SAMD5: variants seen among roughly 807,000 people sequenced by gnomAD.
The protein encoded by SAMD5 is sterile alpha motif domain containing 5, also known as sterile alpha motif domain-containing protein 5.
A neutral mutation model predicts 11.3 loss-of-function variants in SAMD5; 13 were observed. The ratio of observed to expected loss-of-function variants is 1.15; its 90% CI spans 0.75 to 1.83. The LOEUF (loss-of-function observed/expected upper bound fraction) is 1.83. SAMD5 is among the 40% of genes most tolerant of loss of function. The probability of loss-of-function intolerance (pLI) is 0.00; values close to 1 mark genes in which losing one functional copy is unlikely to be tolerated. For missense variants in SAMD5, 255 were observed against 239.1 expected (o/e 1.07, Z -0.44); for synonymous variants, 129 against 111.3 (o/e 1.16, Z -1.00).
intron 1 of SAMD5, among the ~76,000 whole-genome samples, chr6:147,685,233 G>A (rs1025504361): frequency 7.9e-5 from 12 of 152,158 alleles, no homozygotes; most frequent in Middle Eastern, 3.2e-3. Flanking sequence ...GTCTCACTTT[G>A]TCACTCAGGC....
At chr6:147,558,472 A>C (rs760486954) in intron 1 of SAMD5, among the ~76,000 whole-genome samples, 1 of 152,174 alleles carries the variant, frequency 6.6e-6, no homozygotes, top group Non-Finnish European at 1.5e-5. Context: ...CCTGAATCAC[A>C]AGACAGAGGA....
chr6:147,727,657 G>T (rs2128459745), intron 1 of SAMD5, among the ~76,000 whole-genome samples: 1 of 150,784 alleles, frequency 6.6e-6, no homozygotes, highest in Non-Finnish European at 1.5e-5. Flanking sequence ...AGAGACTTAG[G>T]CATCTGGCTT....
At chr6:147,875,845 A>G in the SAMD5 span, among the ~76,000 whole-genome samples, 1 of 152,156 alleles carries the variant, frequency 6.6e-6, no homozygotes, top group Non-Finnish European at 1.5e-5. Context: ...TTTCAGGAAA[A>G]CAAACTCAGG....
intron 1 of SAMD5, among the ~76,000 whole-genome samples, chr6:147,659,663 C>T (rs1043299958): frequency 1.3e-5 from 2 of 152,114 alleles, no homozygotes; most frequent in Non-Finnish European, 2.9e-5. Flanking sequence ...TGTTAAATTG[C>T]TTTCATTAAA....
the SAMD5 span, among the ~76,000 whole-genome samples, chr6:147,909,611 T>TC: frequency 7.2e-5 from 5 of 69,532 alleles, no homozygotes; most frequent in South Asian, 6.4e-4. Flanking sequence ...TTTCTTTCTT[T>TC]CTTTCTTTCT....
intron 1 of SAMD5, among the ~76,000 whole-genome samples, chr6:147,528,566 C>A (rs1196801039): frequency 6.6e-6 from 1 of 152,180 alleles, no homozygotes; most frequent in Non-Finnish European, 1.5e-5. Flanking sequence ...GTCAGGACTT[C>A]AACATATTAA....
intron 1 of SAMD5, among the ~76,000 whole-genome samples, chr6:147,681,252 T>C (rs971137453): frequency 2.0e-5 from 3 of 152,230 alleles, no homozygotes; most frequent in Non-Finnish European, 4.4e-5. Context: ...GTCTCTGTTT[T>C]ACTTTAGATA....
At chr6:147,669,829 T>C (rs1469644354) in intron 1 of SAMD5, among the ~76,000 whole-genome samples, 3 of 152,186 alleles carry the variant, frequency 2.0e-5, no homozygotes, top group Non-Finnish European at 1.5e-5. Context: ...TTCATGAGGA[T>C]TGGAATCAAT....
chr6:147,555,799 G>A (rs906600545), intron 1 of SAMD5, among the ~76,000 whole-genome samples: 3 of 152,110 alleles, frequency 2.0e-5, no homozygotes, highest in African/African-American at 4.8e-5. Flanking sequence ...TTAAGAAACC[G>A]CCGCTTGTCA....
At chr6:147,900,413 A>G in the SAMD5 span, among the ~76,000 whole-genome samples, 4 of 152,166 alleles carry the variant, frequency 2.6e-5, no homozygotes, top group Non-Finnish European at 5.9e-5. Context: ...GTCTTTCATC[A>G]TTTTGCTGGA....
the SAMD5 span, among the ~76,000 whole-genome samples, chr6:147,840,215 TG>T: frequency 6.6e-6 from 1 of 152,256 alleles, no homozygotes; most frequent in Admixed American, 6.5e-5. Context: ...TAGAGAAGGC[TG>T]GGAAATGTTT....
chr6:147,904,765 G>A, the SAMD5 span, among the ~76,000 whole-genome samples: 7 of 151,834 alleles, frequency 4.6e-5, no homozygotes, highest in East Asian at 1.9e-4. Context: ...CCTTTTCCCC[G>A]TCACATACTC....
intron 1 of SAMD5, among the ~76,000 whole-genome samples, chr6:147,735,180 A>G (rs941815046): frequency 2.0e-5 from 3 of 152,206 alleles, no homozygotes; most frequent in Non-Finnish European, 4.4e-5. Flanking sequence ...ATTGTGATCA[A>G]TACTCTGTTA....
chr6:147,743,907 T>C, the SAMD5 span, among the ~76,000 whole-genome samples: 1 of 152,222 alleles, frequency 6.6e-6, no homozygotes, highest in East Asian at 1.9e-4. Flanking sequence ...TGGTTTATTA[T>C]AAGGTGAAAT....
At chr6:147,656,789 G>A (rs1790574407) in intron 1 of SAMD5, among the ~76,000 whole-genome samples, 1 of 152,116 alleles carries the variant, frequency 6.6e-6, no homozygotes, top group Admixed American at 6.5e-5. Context: ...CCATTCCTAT[G>A]AAGGAGGATT....
rs909757432 is a variant in SAMD5 at position 147,597,298 on chromosome 6, G to C, written c.162+87911G>C. ...AGTGGCTTCTCCAGATGTCTGTTGA[G>C]ATACTGTCCCTTGAGCACTGCTGAG... On this transcript the variant is annotated intron_variant, in intron 1 of 1. Transcript: ENST00000566741. 7.2e-5 allele frequency among the ~76,000 whole-genome samples: 11 copies of C among 152,236 alleles called. No individual in the cohort carries two copies. In the East Asian group the frequency reaches 2.1e-3, roughly 29 times the overall value.
chr6:147,910,447 G>GC, the SAMD5 span, among the ~76,000 whole-genome samples: 2 of 152,262 alleles, frequency 1.3e-5, no homozygotes, highest in African/African-American at 4.8e-5. Flanking sequence ...GCGCAGCGGT[G>GC]CCCTCTTTAC....
At chr6:147,662,988 T>C (rs1790668146) in intron 1 of SAMD5, among the ~76,000 whole-genome samples, 1 of 152,036 alleles carries the variant, frequency 6.6e-6, no homozygotes, top group Non-Finnish European at 1.5e-5. Flanking sequence ...AACTGTCTTG[T>C]AGAATATTTT....
At chr6:147,909,026 TAGAG>T in the SAMD5 span, among the ~76,000 whole-genome samples, 1 of 152,182 alleles carries the variant, frequency 6.6e-6, no homozygotes, top group African/African-American at 2.4e-5. Context: ...CTGGGCAACA[TAGAG>T]AGACTATGTC....
Sources: allele counts gnomAD v4.1 joint callset (sites outside exome capture counted in the v4.1 genomes callset), GRCh38; gene constraint gnomAD v4.1.1; transcripts MANE v1.5; gene names NCBI Gene and HGNC (gene_info 2026-07-23, HGNC 2026-07-21).